The following ETV1 variants were observed in gnomAD, a reference collection of about 807,000 sequenced individuals.
ETV1 encodes the protein ETS variant transcription factor 1, also known as ETS translocation variant 1.
Under a neutral mutation model 62.3 loss-of-function variants are expected in ETV1, and 27 were observed. The ratio of observed to expected loss-of-function variants is 0.43; its 90% confidence interval spans 0.32 to 0.60. The LOEUF (loss-of-function observed/expected upper bound fraction) is 0.60, where lower values mean the gene tolerates loss of function less well. Among genes scored for constraint, ETV1 ranks in the 20% least tolerant of loss-of-function variants. The pLI is 0.06. For missense variants in ETV1, 605 were observed against 605.8 expected (o/e 1.00, Z 0.01); for synonymous variants, 222 against 199.6 (o/e 1.11, Z -0.94).
rs539379219 is a variant in ETV1 at position 13,953,590 on chromosome 7, T to G, written c.236-14344A>C. ...TGAGGAATGCTACGGCAGATGGGCC[T>G]GCAGAATGTGCAGACACCAGAGGTG... On this transcript the variant is annotated intron_variant, in intron 6 of 13. Transcript: ENST00000430479. Among the ~76,000 whole-genome samples the G allele has an allele frequency of 8.0e-4, 121 of 151,894 alleles. 1 individual carries two copies. The highest frequency in any genetic ancestry group is 7.8e-4 in the East Asian group (4 of 5,156).
rs1316015314 is a variant in ETV1 at position 13,909,616 on chromosome 7, A to G, written c.940+16T>C. On this transcript the variant is annotated intron_variant, in intron 11 of 13. Coordinates refer to ENST00000430479, the MANE Select transcript of ETV1 (RefSeq NM_004956.5). ...CTTTAAAAAAATCAGAACTTGAGGCAAAGTGTAAAACCTACCATCGAATTT... is the reference window on the plus strand; with the variant it reads ...CTTTAAAAAAATCAGAACTTGAGGCGAAGTGTAAAACCTACCATCGAATTT... The G allele has an allele frequency of 3.1e-6, 5 of 1,601,388 alleles. No individual in the cohort carries two copies. Among genetic ancestry groups the G allele is most frequent in the East Asian group, 4.5e-5 (2 of 44,774 alleles).
chr7:13,904,127 A>G (rs1782714751), intron 12 of ETV1, among the ~76,000 whole-genome samples: 1 of 152,206 alleles, frequency 6.6e-6, no homozygotes, highest in Admixed American at 6.5e-5. Flanking sequence ...ACCCTTTCCA[A>G]AGAAGAAATT....
intron 9 of ETV1, among the ~76,000 whole-genome samples, chr7:13,925,753 A>G (rs1476951323): frequency 6.6e-6 from 1 of 151,226 alleles, no homozygotes; most frequent in Non-Finnish European, 1.5e-5. Context: ...TTTTTTTAGT[A>G]GAGACGGGGT....
At chr7:13,920,469 T>TG in intron 9 of ETV1, among the ~76,000 whole-genome samples, 2 of 151,894 alleles carry the variant, frequency 1.3e-5, no homozygotes, top group South Asian at 2.1e-4. Flanking sequence ...TGTGTGTGTG[T>TG]TTCCTTTCAG....
At chr7:13,934,613 C>T (rs1166940586) in intron 8 of ETV1, among the ~76,000 whole-genome samples, 1 of 152,166 alleles carries the variant, frequency 6.6e-6, no homozygotes, top group Non-Finnish European at 1.5e-5. Context: ...TATATAACTT[C>T]ACAATCAAAA....
intron 9 of ETV1, among the ~76,000 whole-genome samples, chr7:13,931,134 A>G (rs1425235702): frequency 1.3e-5 from 2 of 151,944 alleles, no homozygotes; most frequent in Non-Finnish European, 2.9e-5. Context: ...AGTTCAGAAG[A>G]ATATTACTTT....
intron 6 of ETV1, among the ~76,000 whole-genome samples, chr7:13,951,128 C>A (rs867503002): frequency 1.3e-5 from 2 of 151,978 alleles, no homozygotes; most frequent in African/African-American, 2.4e-5. Flanking sequence ...AGCCTGCCTA[C>A]CCCCTATTTA....
At chr7:13,907,817 C>T (rs1195086775) in intron 11 of ETV1, 3 of 470,440 alleles carry the variant, frequency 6.4e-6, no homozygotes, top group South Asian at 3.1e-5. Context: ...GAGACATATA[C>T]CTCTTAAAAT....
At chr7:13,959,927 C>A (rs1789971984) in intron 6 of ETV1, among the ~76,000 whole-genome samples, 1 of 138,028 alleles carries the variant, frequency 7.2e-6, no homozygotes, top group African/African-American at 2.6e-5. Flanking sequence ...TCTCTGGAAC[C>A]TTTTTTTTTT....
At chr7:13,962,511 A>G (rs1057147706) in intron 6 of ETV1, among the ~76,000 whole-genome samples, 4 of 152,134 alleles carry the variant, frequency 2.6e-5, no homozygotes, top group African/African-American at 9.6e-5. Flanking sequence ...ACAAGACGCA[A>G]AATGTGATAT....
intron 6 of ETV1, among the ~76,000 whole-genome samples, chr7:13,961,353 T>C (rs1364256364): frequency 6.6e-6 from 1 of 152,152 alleles, no homozygotes; most frequent in Non-Finnish European, 1.5e-5. Context: ...TTAAATGGGC[T>C]TCAAGAGGAC....
chr7:13,934,938 G>A (rs35638429), intron 8 of ETV1, among the ~76,000 whole-genome samples: 42,311 of 152,020 alleles, frequency 0.28, 6,330 homozygotes, highest in East Asian at 0.4. Context: ...CAGAAGCACA[G>A]GGCAGAAGAG....
intron 6 of ETV1, among the ~76,000 whole-genome samples, chr7:13,940,793 T>C (rs78096326): frequency 0.024 from 3,655 of 152,308 alleles, 57 homozygotes; most frequent in Non-Finnish European, 0.039. Context: ...AACATAAAAA[T>C]TTGATATCAC....
intron 7 of ETV1, 116 bp downstream of exon 7, chr7:13,939,001 G>C: frequency 1.0e-6 from 1 of 976,838 alleles, no homozygotes; most frequent in Non-Finnish European, 1.5e-6. Flanking sequence ...TACCTAATTA[G>C]CTTGTTACAT....
chr7:13,945,911 C>G (rs965240305), intron 6 of ETV1, among the ~76,000 whole-genome samples: 1 of 152,232 alleles, frequency 6.6e-6, no homozygotes, highest in Non-Finnish European at 1.5e-5. Flanking sequence ...CATCTGGAGT[C>G]ATGATCAACA....
chr7:13,907,738 T>C, intron 11 of ETV1: 1 of 434,822 alleles, frequency 2.3e-6, no homozygotes, highest in Admixed American at 2.8e-5. Context: ...GCCTATGTAG[T>C]CATACTAAGT....
rs1187991212 is a variant in ETV1 at position 13,906,454 on chromosome 7, T to C, written c.1086A>G (p.Glu362=). ...HFIAWTGRGM[E]FKLIEPEEVA... ...CCTCTTCAGGCTCAATCAGTTTAAATTCCATGCCTCGACCAGTCCAGGCAA... is the reference window on the plus strand; with the variant it reads ...CCTCTTCAGGCTCAATCAGTTTAAACTCCATGCCTCGACCAGTCCAGGCAA... The change falls in exon 12 of 14, where the codon GAA becomes GAG. Residue 362 remains glutamate, a synonymous_variant. Coordinates refer to ENST00000430479, the MANE Select transcript of ETV1 (RefSeq NM_004956.5). The C allele has an allele frequency of 2.5e-6, 4 of 1,605,992 alleles. No homozygotes were observed. Among genetic ancestry groups the C allele is most frequent in the Non-Finnish European group, 3.4e-6 (4 of 1,176,362 alleles).
chr7:13,934,859 C>T lies in ETV1; in HGVS notation c.554+849G>A, dbSNP rs137971088. 9.1e-4 allele frequency among the ~76,000 whole-genome samples: 138 copies of T among 152,194 alleles called. 1 individual carries two copies. Among genetic ancestry groups the T allele is most frequent in the Middle Eastern group, 3.4e-3 (1 of 294 alleles). ...TACATCACAGACCCAGCAAAAGCTA[C>T]TGATGAGGGCGTTTTGTTTTTCTCT... On this transcript the variant is annotated intron_variant, in intron 8 of 13. Coordinates refer to ENST00000430479, the MANE Select transcript of ETV1 (RefSeq NM_004956.5).
At chr7:13,949,061 T>G (rs943191981) in intron 6 of ETV1, among the ~76,000 whole-genome samples, 1 of 152,106 alleles carries the variant, frequency 6.6e-6, no homozygotes, top group Non-Finnish European at 1.5e-5. Context: ...ATGGAGAATT[T>G]TTTGCACCTG....
Sources: gnomAD v4.1 joint callset for allele counts (sites outside exome capture counted in the v4.1 genomes callset) on GRCh38, gnomAD v4.1.1 for gene constraint, MANE v1.5 for transcripts, NCBI Gene and HGNC (gene_info 2026-07-23, HGNC 2026-07-21) for gene names.